Variants in HACE1 observed in about 807,000 individuals in gnomAD.
HACE1 encodes E3 ubiquitin-protein ligase HACE1.
HACE1 carries 73 observed loss-of-function variants against 118.4 expected under a neutral mutation model. The ratio of observed to expected loss-of-function variants is 0.62; its 90% CI spans 0.51 to 0.75. The LOEUF is 0.75. Among genes scored for constraint, HACE1 ranks in the 30% least tolerant of loss-of-function variants. HACE1 has a pLI of 0.00. For synonymous variants in HACE1, 368 were observed against 374.8 expected (o/e 0.98, Z 0.21); for missense variants, 749 against 1,102.2 (o/e 0.68, Z 4.54).
chr6:104,857,653 CAA>C (rs781772022), intron 1 of HACE1, among the ~76,000 whole-genome samples: 1 of 127,604 alleles, frequency 7.8e-6, no homozygotes. Flanking sequence ...TTGAAGAATA[CAA>C]AAAAAAAAAA....
chr6:104,824,749 T>A (rs559255570), intron 6 of HACE1: 5 of 151,694 alleles, frequency 3.3e-5, no homozygotes, highest in Admixed American at 3.3e-4. Flanking sequence ...CACTTAAAGA[T>A]ACAAAAGGAA....
rs187086884 is a variant in HACE1, at chr6:104,772,383, G to A, written c.1865-309C>T. Among the ~76,000 whole-genome samples, 138 of 152,088 alleles carry A rather than the reference G, an allele frequency of 9.1e-4. 1 individual carries two copies. The highest frequency in any genetic ancestry group is 6.8e-3 in the Admixed American group (104 of 15,262). ...ACACTCTGGAAATAATACAGCAGAG[G>A]ATCATATACACATACACATACACAC... is the stretch of plus-strand genomic sequence containing the variant. On this transcript the variant is annotated intron_variant, in intron 17 of 23. Coordinates refer to ENST00000262903, the MANE Select transcript of HACE1 (RefSeq NM_020771.4).
rs765686378 is a variant in HACE1 at position 104,777,073 on chromosome 6, T to C, written c.1716A>G (p.Lys572=). The C allele has an allele frequency of 1.2e-6, 2 of 1,612,934 alleles. No individual in the cohort carries two copies. Among genetic ancestry groups the C allele is most frequent in the Non-Finnish European group, 1.7e-6 (2 of 1,179,094 alleles). The change falls in exon 16 of 24, where the codon AAA becomes AAG. Residue 572 remains lysine, a synonymous_variant. Coordinates refer to ENST00000262903, the MANE Select transcript of HACE1 (RefSeq NM_020771.4). The part of the protein sequence containing the change: ...IFRSSCEVVS[K]ANCAKLKQGI... ...CTTGCTTTAGCTTTGCACAATTTGC[T>C]TTTGACACAACTTCACAGCTACTCC...
intron 14 of HACE1, among the ~76,000 whole-genome samples, chr6:104,782,625 T>C (rs551484440): frequency 1.7e-3 from 252 of 152,276 alleles, no homozygotes; most frequent in Admixed American, 4.7e-3. Flanking sequence ...AGAGTAGCCA[T>C]CTTATACAAT....
chr6:104,822,517 C>T (rs1000460622), intron 6 of HACE1, among the ~76,000 whole-genome samples: 15 of 151,798 alleles, frequency 9.9e-5, no homozygotes, highest in East Asian at 3.9e-4. Context: ...CACACCACTA[C>T]GCTCCGGCCG....
intron 1 of HACE1, 122 bp downstream of exon 1, chr6:104,859,445 T>C: frequency 1.3e-6 from 1 of 784,552 alleles, no homozygotes; most frequent in African/African-American, 1.8e-5. Context: ...CTCTGGAAAG[T>C]AAAAGTGGGC....
rs971577822 is a variant in HACE1, at chr6:104,728,480, A to G, written c.*1182T>C. 6.6e-6 allele frequency: 1 copy of G among 152,232 alleles called. No homozygotes were observed. Among genetic ancestry groups the G allele is most frequent in the Non-Finnish European group, 1.5e-5 (1 of 68,032 alleles). 9.4% of individuals were successfully genotyped at this position (152,232 alleles called of 1,614,324 possible). ...ACCAACGAATTAAAGGAGCTTTATA[A>G]TTTAGCAAAACTTTCAACTTACATG... On this transcript the variant is annotated 3_prime_UTR_variant, in exon 24 of 24. Coordinates refer to ENST00000262903, the MANE Select transcript of HACE1 (RefSeq NM_020771.4).
At chr6:104,840,926 G>A (rs188099761) in intron 5 of HACE1, among the ~76,000 whole-genome samples, 8 of 152,300 alleles carry the variant, frequency 5.3e-5, no homozygotes, top group East Asian at 1.9e-4. Context: ...CAGCACCATT[G>A]CACTCCAGCC....
chr6:104,797,834 C>CG (rs1769842186), intron 7 of HACE1, among the ~76,000 whole-genome samples: 1 of 151,870 alleles, frequency 6.6e-6, no homozygotes, highest in Admixed American at 6.6e-5. Context: ...TTTGAGAGGC[C>CG]GGGGTAGGTG....
In HACE1 at chr6:104,811,242, T is replaced by TATATATATATATATATA. The variant is rs1177876499; in HGVS notation, c.617+68_617+69insTATATATATATATATAT. The TATATATATATATATATA allele has an allele frequency of 4.2e-3, 813 of 191,732 alleles. 9 individuals carry two copies. The highest frequency in any genetic ancestry group is 5.6e-3 in the Admixed American group (69 of 12,368). 11.9% of individuals were successfully genotyped at this position (191,732 alleles called of 1,614,324 possible). ...TCTGGAAATATATATATTTCTTTAT[T>TATATATATATATATATA]TATACATATATATATATATATATAT... is the stretch of plus-strand genomic sequence containing the variant. On this transcript the variant is annotated intron_variant, in intron 7 of 23. Transcript: ENST00000262903.
intron 6 of HACE1, among the ~76,000 whole-genome samples, chr6:104,825,909 T>C (rs934069092): frequency 1.1e-4 from 17 of 152,214 alleles, no homozygotes; most frequent in Non-Finnish European, 2.1e-4. Context: ...CTATACCCAT[T>C]ATGTGCTATG....
intron 1 of HACE1, among the ~76,000 whole-genome samples, chr6:104,852,880 G>A (rs1776379516): frequency 6.6e-6 from 1 of 152,044 alleles, no homozygotes; most frequent in African/African-American, 2.4e-5. Context: ...CACAATACTG[G>A]CTTCTTGTCA....
intron 4 of HACE1, among the ~76,000 whole-genome samples, chr6:104,848,436 C>T (rs752681271): frequency 8.9e-5 from 13 of 145,940 alleles, no homozygotes; most frequent in South Asian, 6.5e-4. Context: ...AGCCTGGTGA[C>T]GGAGTGAGAC....
Position 104,729,503 on chromosome 6 carries a change from G to A in HACE1, c.*159C>T. The A allele has an allele frequency of 4.6e-6, 3 of 645,248 alleles. No homozygotes were observed. In the South Asian group the frequency reaches 5.3e-5, roughly 11 times the overall value. 40.0% of individuals were successfully genotyped at this position (645,248 alleles called of 1,614,324 possible). A position where few individuals can be genotyped will look rare whatever the true frequency, so the allele number is the denominator to read the frequency against. The stretch of plus-strand genomic sequence containing the variant: ...TCACAAACAGAGAAAACATAAAAGG[G>A]AAAAGAGAGAAACAGAAAACCTGAT... On this transcript the variant is annotated 3_prime_UTR_variant, in exon 24 of 24. Transcript: ENST00000262903.
intron 1 of HACE1, among the ~76,000 whole-genome samples, chr6:104,855,382 G>A (rs1478481007): frequency 1.3e-5 from 2 of 152,064 alleles, no homozygotes; most frequent in East Asian, 3.8e-4. Flanking sequence ...GGCAGAGCTT[G>A]CAATGAGCCG....
intron 19 of HACE1, among the ~76,000 whole-genome samples, chr6:104,758,637 T>G (rs1019589124): frequency 1.1e-4 from 16 of 152,212 alleles, no homozygotes; most frequent in African/African-American, 3.6e-4. Flanking sequence ...AGAAACTGCA[T>G]CAATAAATGG....
intron 5 of HACE1, among the ~76,000 whole-genome samples, chr6:104,839,637 T>C (rs1368783277): frequency 3.3e-5 from 5 of 152,122 alleles, no homozygotes; most frequent in Non-Finnish European, 7.3e-5. Flanking sequence ...GTAATAAAAC[T>C]ACACAGGTAA....
At chr6:104,839,218 C>A (rs548855433) in intron 5 of HACE1, among the ~76,000 whole-genome samples, 1 of 152,182 alleles carries the variant, frequency 6.6e-6, no homozygotes, top group Non-Finnish European at 1.5e-5. Flanking sequence ...CCAATGTGTA[C>A]CCTGCTGTTT....
chr6:104,742,462 C>T (rs984139474), intron 22 of HACE1, among the ~76,000 whole-genome samples: 330 of 151,564 alleles, frequency 2.2e-3, no homozygotes, highest in African/African-American at 7.7e-3. Flanking sequence ...AACAAATTTA[C>T]AAGAAAAAAA....
Sources: gnomAD v4.1 joint callset for allele counts (sites outside exome capture counted in the v4.1 genomes callset) on GRCh38, gnomAD v4.1.1 for gene constraint, MANE v1.5 for transcripts, NCBI Gene and HGNC (gene_info 2026-07-23, HGNC 2026-07-21) for gene names.